EYS: variants seen among roughly 807,000 people sequenced by gnomAD.
EYS encodes the protein EGF-like photoreceptor maintenance factor.
EYS carries 250 observed loss-of-function variants against 282.1 expected under a neutral mutation model. That is an observed-to-expected ratio of 0.89 (90% CI 0.80 to 0.98). The LOEUF (loss-of-function observed/expected upper bound fraction) is 0.98, where lower values mean the gene tolerates loss of function less well. Ranked by LOEUF, EYS falls within the 50% of genes least tolerant of loss-of-function variation. EYS has a pLI of 0.00. For synonymous variants in EYS, 1,355 were observed against 1,282.9 expected (o/e 1.06, Z -1.20); for missense variants, 4,016 against 3,709.0 (o/e 1.08, Z -2.15).
At chr6:65,699,904 GGA>G (rs962776243) in intron 1 of EYS, among the ~76,000 whole-genome samples, 1 of 151,522 alleles carries the variant, frequency 6.6e-6, no homozygotes, top group Admixed American at 6.6e-5. Flanking sequence ...CATGAGGTCA[GGA>G]GATCGAGACC....
At chr6:65,126,038 C>T (rs562787221) in intron 12 of EYS, among the ~76,000 whole-genome samples, 1 of 152,196 alleles carries the variant, frequency 6.6e-6, no homozygotes, top group Admixed American at 6.5e-5. Flanking sequence ...AGCATAGATT[C>T]CTAAACCTTC....
chr6:64,624,224 T>C (rs1001501827), intron 23 of EYS, among the ~76,000 whole-genome samples: 9 of 152,134 alleles, frequency 5.9e-5, no homozygotes, highest in Admixed American at 2.6e-4. Context: ...AATGTCCTCA[T>C]GCTTACAAGT....
chr6:63,770,321 A>T (rs1046080832), intron 40 of EYS, among the ~76,000 whole-genome samples: 1 of 152,002 alleles, frequency 6.6e-6, no homozygotes, highest in African/African-American at 2.4e-5. Flanking sequence ...GACAAGAGAG[A>T]TTCTTATGTA....
chr6:64,749,614 AC>A (rs1013982179), intron 22 of EYS, among the ~76,000 whole-genome samples: 12 of 152,322 alleles, frequency 7.9e-5, no homozygotes, highest in Admixed American at 2.0e-4. Flanking sequence ...CTAAAAAAAA[AC>A]ATTTTAGCAA....
At chr6:65,359,006 G>A (rs1443550611) in intron 8 of EYS, among the ~76,000 whole-genome samples, 1 of 151,994 alleles carries the variant, frequency 6.6e-6, no homozygotes, top group Non-Finnish European at 1.5e-5. Flanking sequence ...GCCTTTGGAA[G>A]CAAACATCTA....
Position 64,401,657 on chromosome 6 carries a change from C to T in EYS, c.5928-12817G>A, listed in dbSNP as rs150455725. On this transcript the variant is annotated intron_variant, in intron 28 of 42. Transcript: ENST00000503581. Reference sequence around the variant, plus strand: ...TATTTAAGTAAATATAAAATATATTCATTAGCTTAAAAATACTTATTAAAC... The same window carrying T: ...TATTTAAGTAAATATAAAATATATTTATTAGCTTAAAAATACTTATTAAAC... Among the ~76,000 whole-genome samples the T allele has an allele frequency of 7.1e-4, 108 of 151,816 alleles. 1 individual carries two copies. The East Asian group carries it at 0.018, about 26-fold the overall frequency.
chr6:65,639,079 C>T (rs1273650709), intron 2 of EYS, among the ~76,000 whole-genome samples: 1 of 152,106 alleles, frequency 6.6e-6, no homozygotes, highest in Non-Finnish European at 1.5e-5. Flanking sequence ...GATACTAGAA[C>T]AAGCAGATAT....
At chr6:65,026,679 A>G (rs1466288796) in intron 13 of EYS, among the ~76,000 whole-genome samples, 2 of 152,132 alleles carry the variant, frequency 1.3e-5, no homozygotes, top group Admixed American at 6.5e-5. Flanking sequence ...GCACTTTGGG[A>G]GGCCGAGACA....
chr6:64,005,256 T>C (rs1768288370), intron 33 of EYS, among the ~76,000 whole-genome samples: 2 of 152,208 alleles, frequency 1.3e-5, no homozygotes, highest in Non-Finnish European at 2.9e-5. Context: ...GCCACAAGTA[T>C]GTCTTCTTTT....
intron 22 of EYS, among the ~76,000 whole-genome samples, chr6:64,729,264 G>A (rs79229074): frequency 0.017 from 2,536 of 152,210 alleles, 65 homozygotes; most frequent in African/African-American, 0.057. Flanking sequence ...AGGCTGTATT[G>A]TATCAAGAAA....
chr6:65,114,023 T>G (rs527702346), intron 12 of EYS, among the ~76,000 whole-genome samples: 56 of 152,092 alleles, frequency 3.7e-4, no homozygotes, highest in African/African-American at 1.3e-3. Context: ...CTGACCTTAT[T>G]TGTAATATCT....
intron 35 of EYS, among the ~76,000 whole-genome samples, chr6:63,960,244 G>T (rs1052979751): frequency 6.6e-6 from 1 of 152,086 alleles, no homozygotes; most frequent in Non-Finnish European, 1.5e-5. Flanking sequence ...TTGAGGGTTC[G>T]GGACTTCAGT....
chr6:65,527,971 G>A (rs1767631449), intron 2 of EYS, among the ~76,000 whole-genome samples: 1 of 152,190 alleles, frequency 6.6e-6, no homozygotes, highest in Non-Finnish European at 1.5e-5. Context: ...GTTGTGCCAT[G>A]TGAAATAGCC....
intron 33 of EYS, among the ~76,000 whole-genome samples, chr6:64,060,438 G>C (rs1176577607): frequency 6.6e-6 from 1 of 152,112 alleles, no homozygotes; most frequent in Non-Finnish European, 1.5e-5. Flanking sequence ...AGAGGTGTCT[G>C]AGAGCCTTTA....
chr6:65,589,330 C>T lies in EYS; in HGVS notation c.-333+50448G>A, dbSNP rs1765156566. On this transcript the variant is annotated intron_variant, in intron 2 of 42. Coordinates refer to ENST00000503581, the MANE Select transcript of EYS (RefSeq NM_001142800.2). The stretch of plus-strand genomic sequence containing the variant: ...CCTCTCATTTGACTCTTTGACGATC[C>T]TTACTCAGTGCTCTTCTTCAGCCTG... Among the ~76,000 whole-genome samples, 3 of 152,114 alleles carry T rather than the reference C, an allele frequency of 2.0e-5. 1 individual carries two copies. The highest frequency in any genetic ancestry group is 4.1e-4 in the South Asian group (2 of 4,830).
intron 35 of EYS, among the ~76,000 whole-genome samples, chr6:63,871,839 C>G (rs1173648618): frequency 6.6e-6 from 1 of 152,054 alleles, no homozygotes; most frequent in Admixed American, 6.6e-5. Context: ...GGTTCTCTTC[C>G]TAGCTCTGCC....
At chr6:65,323,919 T>C (rs1431937735) in intron 11 of EYS, among the ~76,000 whole-genome samples, 1 of 152,016 alleles carries the variant, frequency 6.6e-6, no homozygotes, top group Non-Finnish European at 1.5e-5. Flanking sequence ...TCTAAGGTTC[T>C]ATTTAATCTA....
chr6:64,668,135 A>T (rs557015144), intron 22 of EYS, among the ~76,000 whole-genome samples: 1 of 152,322 alleles, frequency 6.6e-6, no homozygotes, highest in South Asian at 2.1e-4. Context: ...AAGCAACCTG[A>T]AACTAGCAAA....
intron 28 of EYS, among the ~76,000 whole-genome samples, chr6:64,398,403 G>C (rs1171422108): frequency 6.6e-6 from 1 of 151,794 alleles, no homozygotes; most frequent in Admixed American, 6.6e-5. Context: ...GTTGACTCAG[G>C]CTGCATTGCC....
Sources: gnomAD v4.1 joint callset for allele counts (sites outside exome capture counted in the v4.1 genomes callset) on GRCh38, gnomAD v4.1.1 for gene constraint, MANE v1.5 for transcripts, NCBI Gene and HGNC (gene_info 2026-07-23, HGNC 2026-07-21) for gene names.